The following TMEM163 variants were observed in gnomAD, a reference collection of about 807,000 sequenced individuals.
The protein encoded by TMEM163 is transmembrane protein 163.
TMEM163 carries 17 observed loss-of-function variants against 29.3 expected under a neutral mutation model. That is an observed-to-expected ratio of 0.58 (90% CI 0.40 to 0.87). TMEM163 has a LOEUF of 0.87. Among genes scored for constraint, TMEM163 ranks in the 40% least tolerant of loss-of-function variants. The probability of loss-of-function intolerance (pLI) is 0.00; values close to 1 mark genes in which losing one functional copy is unlikely to be tolerated. For synonymous variants in TMEM163, 157 were observed against 160.6 expected (o/e 0.98, Z 0.17); for missense variants, 303 against 381.5 (o/e 0.79, Z 1.71).
At chr2:134,671,432 A>T (rs7575742) in intron 2 of TMEM163, among the ~76,000 whole-genome samples, 1 of 151,916 alleles carries the variant, frequency 6.6e-6, no homozygotes, top group South Asian at 2.1e-4. Context: ...TCCCTCTCCC[A>T]TGTCTGGCCA....
chr2:134,584,570 A>C (rs1216400959), intron 2 of TMEM163, among the ~76,000 whole-genome samples: 2 of 152,012 alleles, frequency 1.3e-5, no homozygotes, highest in Non-Finnish European at 2.9e-5. Flanking sequence ...TGTTTGGAAG[A>C]TAAAGTACCC....
At chr2:134,716,054 A>G (rs1317369925) in intron 1 of TMEM163, among the ~76,000 whole-genome samples, 1 of 152,172 alleles carries the variant, frequency 6.6e-6, no homozygotes, top group African/African-American at 2.4e-5. Context: ...CCTTTCTCCT[A>G]AGTTTGTCAA....
At chr2:134,532,650 T>C (rs655472) in intron 4 of TMEM163, among the ~76,000 whole-genome samples, 85,463 of 152,036 alleles carry the variant, frequency 0.56, 25,102 homozygotes, top group East Asian at 0.84. Flanking sequence ...TAGTCTATTG[T>C]TTGTAAGCCT....
chr2:134,698,230 G>A (rs1558995819), intron 2 of TMEM163, among the ~76,000 whole-genome samples: 1 of 152,196 alleles, frequency 6.6e-6, no homozygotes, highest in African/African-American at 2.4e-5. Context: ...TGTCTCCAGG[G>A]AAGGGAGGGG....
intron 2 of TMEM163, among the ~76,000 whole-genome samples, chr2:134,691,813 C>T (rs891557059): frequency 5.3e-5 from 8 of 152,224 alleles, no homozygotes; most frequent in Non-Finnish European, 1.0e-4. Flanking sequence ...TGTAACATCG[C>T]TGGTCACACC....
At chr2:134,713,426 C>A in intron 1 of TMEM163, 107 bp from the exon 2 acceptor site, 1 of 1,516,156 alleles carries the variant, frequency 6.6e-7, no homozygotes, top group South Asian at 1.2e-5. Flanking sequence ...GCCCGTGGGC[C>A]AAGACGTGTT....
rs115540905 is a variant in TMEM163 at position 134,458,082 on chromosome 2, G to A, written c.759C>T (p.Asp253=). The change falls in exon 7 of 8, where the codon GAC becomes GAT. Residue 253 remains aspartate (D), a synonymous_variant. Transcript: ENST00000281924. ...GGCCGATCAGAACGCCTATGCTGCCGTCCAGGTACCAGACCGCCGAGTCAT... is the reference window on the plus strand; with the variant it reads ...GGCCGATCAGAACGCCTATGCTGCCATCCAGGTACCAGACCGCCGAGTCAT... The part of the protein sequence containing the change: ...FKHDSAVWYL[D]GSIGVLIGLT... The A allele has an allele frequency of 7.7e-5, 125 of 1,614,170 alleles. No individual in the cohort carries two copies. Among genetic ancestry groups the A allele is most frequent in the African/African-American group, 3.9e-4 (29 of 75,042 alleles).
At chr2:134,598,885 C>T (rs1042618637) in intron 2 of TMEM163, among the ~76,000 whole-genome samples, 5 of 148,658 alleles carry the variant, frequency 3.4e-5, no homozygotes, top group South Asian at 4.2e-4. Flanking sequence ...AGTGCCACTA[C>T]ACTCCAGCCT....
At chr2:134,661,793 G>T (rs567852884) in intron 2 of TMEM163, among the ~76,000 whole-genome samples, 1 of 152,074 alleles carries the variant, frequency 6.6e-6, no homozygotes, top group Non-Finnish European at 1.5e-5. Context: ...GAACCCAAAG[G>T]CCCTAGTTCT....
chr2:134,618,867 T>C (rs991982337), intron 2 of TMEM163, among the ~76,000 whole-genome samples: 3 of 151,860 alleles, frequency 2.0e-5, no homozygotes, highest in African/African-American at 7.3e-5. Context: ...TAGAGGGAAA[T>C]CTATAGCATT....
intron 5 of TMEM163, among the ~76,000 whole-genome samples, chr2:134,482,979 G>A (rs1032450549): frequency 7.2e-5 from 11 of 152,190 alleles, no homozygotes; most frequent in Admixed American, 1.3e-4. Flanking sequence ...GCAGAGCACC[G>A]AGAAGGGAGC....
chr2:134,609,878 G>C (rs1407517754), intron 2 of TMEM163, among the ~76,000 whole-genome samples: 1 of 151,762 alleles, frequency 6.6e-6, no homozygotes, highest in Non-Finnish European at 1.5e-5. Flanking sequence ...GAACTGTACT[G>C]GTGAAAAGGA....
intron 5 of TMEM163, among the ~76,000 whole-genome samples, chr2:134,485,494 T>G (rs1574168112): frequency 6.6e-6 from 1 of 152,136 alleles, no homozygotes; most frequent in African/African-American, 2.4e-5. Flanking sequence ...ACTGCGTAAG[T>G]GAGTCTGAAG....
intron 2 of TMEM163, among the ~76,000 whole-genome samples, chr2:134,708,153 CT>C (rs1381715362): frequency 1.3e-5 from 2 of 152,282 alleles, no homozygotes; most frequent in South Asian, 4.1e-4. Context: ...TCCCAGAGTG[CT>C]GGGATTATAG....
intron 2 of TMEM163, among the ~76,000 whole-genome samples, chr2:134,627,719 G>T (rs1682884247): frequency 6.6e-6 from 1 of 152,164 alleles, no homozygotes. Flanking sequence ...AATATGTACT[G>T]CCTGGTCCTT....
At chr2:134,647,681 G>C (rs898274649) in intron 2 of TMEM163, among the ~76,000 whole-genome samples, 1 of 152,182 alleles carries the variant, frequency 6.6e-6, no homozygotes, top group Non-Finnish European at 1.5e-5. Context: ...AAAACCTACC[G>C]AAGCAGGAAA....
intron 2 of TMEM163, among the ~76,000 whole-genome samples, chr2:134,638,426 T>C (rs1683153911): frequency 6.6e-6 from 1 of 151,760 alleles, no homozygotes; most frequent in South Asian, 2.1e-4. Context: ...CCTGAATGAG[T>C]AGGAAAGTCA....
chr2:134,573,120 G>A (rs1043331743), intron 2 of TMEM163, among the ~76,000 whole-genome samples: 3 of 152,086 alleles, frequency 2.0e-5, no homozygotes, highest in African/African-American at 7.2e-5. Flanking sequence ...TATTTACATG[G>A]CCCAAGGAAA....
At chr2:134,682,674 C>A (rs1400025602) in intron 2 of TMEM163, among the ~76,000 whole-genome samples, 3 of 152,210 alleles carry the variant, frequency 2.0e-5, no homozygotes, top group African/African-American at 7.2e-5. Flanking sequence ...GCGACAGGAA[C>A]CCTCATTCAT....
Sources: allele counts gnomAD v4.1 joint callset (sites outside exome capture counted in the v4.1 genomes callset), GRCh38; gene constraint gnomAD v4.1.1; transcripts MANE v1.5; gene names NCBI Gene and HGNC (gene_info 2026-07-23, HGNC 2026-07-21).